CCSER1: variants seen among roughly 807,000 people sequenced by gnomAD.
The protein encoded by CCSER1 is coiled-coil serine rich protein 1, also known as serine-rich coiled-coil domain-containing protein 1.
CCSER1 carries 41 observed loss-of-function variants against 82.0 expected under a neutral mutation model. The observed-to-expected ratio is 0.50, with a 90% CI of 0.39 to 0.65. The LOEUF is 0.65. Among genes scored for constraint, CCSER1 ranks in the 30% least tolerant of loss-of-function variants. The pLI, the probability that CCSER1 is intolerant of heterozygous loss-of-function variation, is 0.00. For missense variants in CCSER1, 1,119 were observed against 1,064.2 expected (o/e 1.05, Z -0.72); for synonymous variants, 414 against 383.9 (o/e 1.08, Z -0.92).
At chr4:91,170,537 G>T (rs989817014) in intron 10 of CCSER1, among the ~76,000 whole-genome samples, 1 of 152,144 alleles carries the variant, frequency 6.6e-6, no homozygotes, top group Non-Finnish European at 1.5e-5. Flanking sequence ...TTTTCTTGAG[G>T]GTAATAGAAC....
intron 9 of CCSER1, among the ~76,000 whole-genome samples, chr4:91,015,138 C>T (rs1739318423): frequency 6.6e-6 from 1 of 151,892 alleles, no homozygotes; most frequent in Non-Finnish European, 1.5e-5. Context: ...TTCATCTTAC[C>T]ATTATGTAAT....
In CCSER1 at chr4:91,360,908, G is replaced by C. The variant is rs956207710; in HGVS notation, c.2218-237664G>C. Among the ~76,000 whole-genome samples, 4 of 151,750 alleles carry C rather than the reference G, an allele frequency of 2.6e-5. 1 individual carries two copies. The South Asian group carries it at 8.3e-4, about 31-fold the overall frequency. ...GATGGAGGAGGTTATAAATGAGCCA[G>C]GATTTTGAATATGCCAGGAAGACTG... On this transcript the variant is annotated intron_variant, in intron 10 of 10. Transcript: ENST00000509176.
At chr4:91,149,768 T>C (rs1488480760) in intron 10 of CCSER1, among the ~76,000 whole-genome samples, 1 of 152,246 alleles carries the variant, frequency 6.6e-6, no homozygotes, top group Non-Finnish European at 1.5e-5. Flanking sequence ...TTGTCAGATT[T>C]GTCAAAGATC....
chr4:90,717,660 G>A (rs1326942012), intron 6 of CCSER1, among the ~76,000 whole-genome samples: 3 of 151,724 alleles, frequency 2.0e-5, no homozygotes, highest in Non-Finnish European at 4.4e-5. Flanking sequence ...CTTGCCTTTT[G>A]CAGGTATAAC....
chr4:91,310,441 G>A (rs907272484), intron 10 of CCSER1, among the ~76,000 whole-genome samples: 6 of 150,710 alleles, frequency 4.0e-5, no homozygotes, highest in East Asian at 3.9e-4. Context: ...GAAAGTTTAC[G>A]AATTTTTGTT....
At chr4:90,681,505 C>T in intron 6 of CCSER1, among the ~76,000 whole-genome samples, 1 of 9,562 alleles carries the variant, frequency 1.0e-4, no homozygotes, top group Non-Finnish European at 2.0e-4. Flanking sequence ...CCAGGTGCGT[C>T]CGTCACCCCT....
chr4:90,229,306 G>T (rs1165148359), intron 1 of CCSER1, among the ~76,000 whole-genome samples: 1 of 152,014 alleles, frequency 6.6e-6, no homozygotes, highest in East Asian at 1.9e-4. Context: ...AGAGAGTGGG[G>T]GCCAATATTC....
chr4:91,190,151 A>G (rs929040600), intron 10 of CCSER1, among the ~76,000 whole-genome samples: 2 of 152,198 alleles, frequency 1.3e-5, no homozygotes, highest in African/African-American at 4.8e-5. Context: ...GTTCATGTAG[A>G]ACATGTTTCC....
intron 10 of CCSER1, among the ~76,000 whole-genome samples, chr4:91,238,582 C>T (rs1739199518): frequency 6.6e-6 from 1 of 152,060 alleles, no homozygotes; most frequent in African/African-American, 2.4e-5. Context: ...GAGTCCACTG[C>T]CTTCTCTTAG....
At chr4:90,261,513 G>A (rs1344403595) in intron 1 of CCSER1, among the ~76,000 whole-genome samples, 1 of 152,116 alleles carries the variant, frequency 6.6e-6, no homozygotes. Context: ...TGATGCTTTT[G>A]TCTCACAGCT....
chr4:91,100,724 C>G (rs1724975647), intron 10 of CCSER1, among the ~76,000 whole-genome samples: 1 of 152,098 alleles, frequency 6.6e-6, no homozygotes, highest in Non-Finnish European at 1.5e-5. Context: ...GTTTTGTAAG[C>G]TGTTTTTCAC....
intron 1 of CCSER1, among the ~76,000 whole-genome samples, chr4:90,231,181 T>C (rs1744454863): frequency 6.6e-6 from 1 of 151,954 alleles, no homozygotes; most frequent in Non-Finnish European, 1.5e-5. Flanking sequence ...AAAGACAATT[T>C]TAGACCAATA....
chr4:90,942,638 G>T (rs1387259945), intron 9 of CCSER1, among the ~76,000 whole-genome samples: 2 of 151,530 alleles, frequency 1.3e-5, no homozygotes, highest in African/African-American at 2.4e-5. Flanking sequence ...GGAAATGAGG[G>T]TTTCCTCATT....
intron 5 of CCSER1, among the ~76,000 whole-genome samples, chr4:90,580,615 C>T (rs1234285148): frequency 6.6e-6 from 1 of 152,198 alleles, no homozygotes. Flanking sequence ...GAGCTCATTT[C>T]CTAGGAGCTG....
At chr4:90,650,340 G>GA (rs974215792) in intron 6 of CCSER1, among the ~76,000 whole-genome samples, 3 of 151,492 alleles carry the variant, frequency 2.0e-5, no homozygotes, top group Admixed American at 6.6e-5. Flanking sequence ...TAAGAATAAT[G>GA]AAAAAAAAGA....
At chr4:91,341,396 A>C (rs926313536) in intron 10 of CCSER1, among the ~76,000 whole-genome samples, 1 of 152,336 alleles carries the variant, frequency 6.6e-6, no homozygotes, top group South Asian at 2.1e-4. Context: ...AAAAAGTTCT[A>C]ATTATTAGTT....
chr4:91,404,542 A>AT (rs1446976267), intron 10 of CCSER1, among the ~76,000 whole-genome samples: 1 of 152,096 alleles, frequency 6.6e-6, no homozygotes, highest in African/African-American at 2.4e-5. Flanking sequence ...AGTGCTATAA[A>AT]TTTCCCTCTA....
At chr4:90,754,356 T>C (rs944787980) in intron 7 of CCSER1, among the ~76,000 whole-genome samples, 3 of 152,186 alleles carry the variant, frequency 2.0e-5, no homozygotes, top group South Asian at 2.1e-4. Flanking sequence ...CCTGAGTGTG[T>C]ATGTGTGAGC....
intron 8 of CCSER1, among the ~76,000 whole-genome samples, chr4:90,868,862 C>G (rs1218813201): frequency 5.3e-5 from 8 of 152,030 alleles, no homozygotes; most frequent in Admixed American, 5.2e-4. Context: ...TCCTTGCCAG[C>G]ATTTGTTATT....
Sources: allele counts gnomAD v4.1 joint callset (sites outside exome capture counted in the v4.1 genomes callset), GRCh38; gene constraint gnomAD v4.1.1; transcripts MANE v1.5; gene names NCBI Gene and HGNC (gene_info 2026-07-23, HGNC 2026-07-21).